TRABD2B: variants seen among roughly 807,000 people sequenced by gnomAD.
TRABD2B encodes the protein metalloprotease TIKI2.
TRABD2B carries 14 observed loss-of-function variants against 40.1 expected under a neutral mutation model. The observed-to-expected ratio is 0.35, with a 90% CI of 0.23 to 0.55. The LOEUF (loss-of-function observed/expected upper bound fraction) is 0.55. Among genes scored for constraint, TRABD2B ranks in the 20% least tolerant of loss-of-function variants. TRABD2B has a pLI of 0.90. For missense variants in TRABD2B, 541 were observed against 648.6 expected, an observed-to-expected ratio of 0.83 and a Z score of 1.80; for synonymous variants, 263 against 277.0, an observed-to-expected ratio of 0.95 and a Z score of 0.50.
chr1:47,814,747 CTG>C (rs1018341027), intron 2 of TRABD2B, among the ~76,000 whole-genome samples: 19 of 152,326 alleles, frequency 1.2e-4, no homozygotes, highest in Middle Eastern at 3.4e-3. Context: ...GCCTGGGACT[CTG>C]TGGTGCTGAC....
intron 2 of TRABD2B, among the ~76,000 whole-genome samples, chr1:47,881,502 C>T (rs1221158056): frequency 1.3e-5 from 2 of 152,190 alleles, no homozygotes; most frequent in Non-Finnish European, 2.9e-5. Flanking sequence ...GAGATTGGTA[C>T]TATTGTTACC....
chr1:47,979,131 G>A (rs1427098822), intron 2 of TRABD2B, among the ~76,000 whole-genome samples: 1 of 152,210 alleles, frequency 6.6e-6, no homozygotes, highest in Non-Finnish European at 1.5e-5. Context: ...GGGAAGTGGA[G>A]GTGGCTGCTG....
At chr1:47,844,483 AACTCC>A (rs1206302475) in intron 2 of TRABD2B, among the ~76,000 whole-genome samples, 1 of 152,150 alleles carries the variant, frequency 6.6e-6, no homozygotes, top group East Asian at 1.9e-4. Context: ...TTAGCCCTCC[AACTCC>A]AATCCCTATG....
chr1:47,807,888 T>C (rs867251375), intron 2 of TRABD2B, among the ~76,000 whole-genome samples: 8 of 152,292 alleles, frequency 5.3e-5, no homozygotes, highest in Middle Eastern at 3.4e-3. Context: ...GGCCATGTTA[T>C]TGTCAGTATT....
Position 47,950,815 on chromosome 1 carries a change from G to A in TRABD2B, c.666+43219C>T, listed in dbSNP as rs546791329. ...CCTCCCTATGTGAACTTGGCAAGTC[G>A]CTCAGCCCCTTGATGTCTCCTTTAT... is the stretch of plus-strand genomic sequence containing the variant. On this transcript the variant is annotated intron_variant, in intron 2 of 6. Transcript: ENST00000606738. Among the ~76,000 whole-genome samples the A allele has an allele frequency of 2.6e-4, 39 of 152,280 alleles. 1 individual carries two copies. The South Asian group carries it at 7.3e-3, about 28-fold the overall frequency.
chr1:47,940,829 G>C (rs1645175942), intron 2 of TRABD2B, among the ~76,000 whole-genome samples: 1 of 152,238 alleles, frequency 6.6e-6, no homozygotes, highest in Admixed American at 6.5e-5. Flanking sequence ...GGAATCTCGA[G>C]AGCATGGCAG....
chr1:47,803,530 T>C (rs893372264), intron 2 of TRABD2B, among the ~76,000 whole-genome samples: 1 of 152,088 alleles, frequency 6.6e-6, no homozygotes, highest in African/African-American at 2.4e-5. Flanking sequence ...ACATGCAAAC[T>C]AGCCCAGCCA....
chr1:47,843,524 G>A (rs1030715662), intron 2 of TRABD2B, among the ~76,000 whole-genome samples: 5 of 152,198 alleles, frequency 3.3e-5, no homozygotes, highest in Admixed American at 2.0e-4. Context: ...GCATTTTGAA[G>A]TGCCTGCTGA....
chr1:47,798,104 G>A (rs1279669215), intron 3 of TRABD2B, among the ~76,000 whole-genome samples: 1 of 152,150 alleles, frequency 6.6e-6, no homozygotes, highest in South Asian at 2.1e-4. Context: ...GACTGGGTCT[G>A]CTCCTCTTGA....
At chr1:47,862,066 C>CAGT (rs768400794) in intron 2 of TRABD2B, among the ~76,000 whole-genome samples, 51 of 152,290 alleles carry the variant, frequency 3.3e-4, no homozygotes, top group Non-Finnish European at 5.0e-4. Flanking sequence ...TCCAAGCTCT[C>CAGT]AGTAAGTAGG....
intron 2 of TRABD2B, among the ~76,000 whole-genome samples, chr1:47,982,928 C>T (rs1645861250): frequency 6.6e-6 from 1 of 152,330 alleles, no homozygotes; most frequent in African/African-American, 2.4e-5. Context: ...ACCTCCAAGA[C>T]CACCAGCAGG....
At chr1:47,923,465 C>CACTG (rs1404035417) in intron 2 of TRABD2B, among the ~76,000 whole-genome samples, 3 of 152,182 alleles carry the variant, frequency 2.0e-5, no homozygotes, top group African/African-American at 7.2e-5. Context: ...CATCCCTGAC[C>CACTG]ACTGCACAGG....
chr1:47,988,974 C>T (rs1298022992), intron 2 of TRABD2B, among the ~76,000 whole-genome samples: 1 of 152,208 alleles, frequency 6.6e-6, no homozygotes, highest in African/African-American at 2.4e-5. Context: ...AGAGGTGGAA[C>T]TTCTGGGAGT....
intron 2 of TRABD2B, among the ~76,000 whole-genome samples, chr1:47,845,050 C>T (rs1161673379): frequency 6.6e-6 from 1 of 152,204 alleles, no homozygotes; most frequent in African/African-American, 2.4e-5. Context: ...CCTGTGCAGG[C>T]ATCCACCCAG....
chr1:47,846,919 A>AC (rs1256125071), intron 2 of TRABD2B, among the ~76,000 whole-genome samples: 2 of 141,388 alleles, frequency 1.4e-5, no homozygotes, highest in Non-Finnish European at 3.1e-5. Context: ...GTGCCCTCTG[A>AC]CCCTCAGCTC....
intron 2 of TRABD2B, among the ~76,000 whole-genome samples, chr1:47,820,785 CA>C (rs1293646369): frequency 1.3e-3 from 3 of 2,272 alleles, no homozygotes; most frequent in Non-Finnish European, 8.3e-3. Context: ...ACACACACCA[CA>C]CACACACACA....
At chr1:47,945,723 G>C (rs192338472) in intron 2 of TRABD2B, among the ~76,000 whole-genome samples, 121 of 152,214 alleles carry the variant, frequency 7.9e-4, no homozygotes, top group Admixed American at 7.8e-3. Flanking sequence ...TCAATGTTGG[G>C]CCTGTATCAG....
chr1:47,991,774 GA>G (rs2148461777), intron 2 of TRABD2B, among the ~76,000 whole-genome samples: 1 of 152,222 alleles, frequency 6.6e-6, no homozygotes, highest in South Asian at 2.1e-4. Context: ...TGCGAGGAAA[GA>G]AAAAATAAAA....
intron 2 of TRABD2B, among the ~76,000 whole-genome samples, chr1:47,909,791 C>CCCAT (rs1644735006): frequency 4.5e-3 from 1 of 222 alleles, no homozygotes; most frequent in African/African-American, 0.033. Context: ...CCTCCCCATC[C>CCCAT]CCCCCCCCCT....
Sources: gnomAD v4.1 joint callset for allele counts (sites outside exome capture counted in the v4.1 genomes callset) on GRCh38, gnomAD v4.1.1 for gene constraint, MANE v1.5 for transcripts, NCBI Gene and HGNC (gene_info 2026-07-23, HGNC 2026-07-21) for gene names.